DLG5: variants seen among roughly 807,000 people sequenced by gnomAD.
DLG5 encodes the protein discs large MAGUK scaffold protein 5.
In DLG5, 48 loss-of-function variants were observed where a neutral mutation model predicts 189.8. That is an observed-to-expected ratio of 0.25 (90% CI 0.20 to 0.32). DLG5 has a LOEUF of 0.32. Among genes scored for constraint, DLG5 ranks in the 10% least tolerant of loss-of-function variants. The pLI is 1.00. For missense variants in DLG5, 2,160 were observed against 2,544.7 expected, an observed-to-expected ratio of 0.85 and a Z score of 3.25; for synonymous variants, 1,016 against 1,054.1, an observed-to-expected ratio of 0.96 and a Z score of 0.70.
rs372572835 is a variant in DLG5, at chr10:77,806,277, G to T, written c.4968-416C>A. ...ACTATGCAATCCCAACCACACAGAA[G>T]TCCAGACAGGGAGACCCATGGGTAT... On this transcript the variant is annotated intron_variant, in intron 26 of 31. Transcript: ENST00000372391. 8.8e-4 allele frequency: 205 copies of T among 234,236 alleles called. 1 individual carries two copies. The Middle Eastern group carries it at 0.016, about 19-fold the overall frequency. 14.5% of individuals were successfully genotyped at this position (234,236 alleles called of 1,614,324 possible). A position where few individuals can be genotyped will look rare whatever the true frequency, so the allele number is the denominator to read the frequency against.
At chr10:77,806,500 G>GT (rs1841479136) in intron 26 of DLG5, among the ~76,000 whole-genome samples, 1 of 152,178 alleles carries the variant, frequency 6.6e-6, no homozygotes, top group Non-Finnish European at 1.5e-5. Flanking sequence ...CAAGGCACGA[G>GT]TATCTCCATA....
upstream of DLG5, chr10:77,927,018 C>T (rs1266776607): frequency 3.1e-6 from 1 of 326,592 alleles, no homozygotes; most frequent in South Asian, 2.2e-5. Flanking sequence ...TCGGAGGCCG[C>T]CTCGGCCCCC....
intron 1 of DLG5, among the ~76,000 whole-genome samples, chr10:77,884,688 C>T (rs1232044194): frequency 1.3e-5 from 2 of 152,082 alleles, no homozygotes; most frequent in African/African-American, 2.4e-5. Flanking sequence ...TTTTTTCCAT[C>T]GACTTCTTTT....
In DLG5 at chr10:77,816,579, C is replaced by G. The variant is rs145369443; in HGVS notation, c.3997G>C (p.Ala1333Pro). The G allele has an allele frequency of 6.2e-7, 1 of 1,614,132 alleles. No individual in the cohort carries two copies. The highest frequency in any genetic ancestry group is 8.5e-7 in the Non-Finnish European group (1 of 1,180,016). The change falls in exon 20 of 32, where the codon GCG becomes CCG. Residue 1333 changes from alanine to proline, a missense_variant. This residue lies in a region of DLG5 where 754 missense variants were observed against 746.5 expected (regional missense o/e 1.01). Transcript: ENST00000372391. The part of the protein sequence containing the change: ...STLPRIAVNP[A>P]SLGERRKDRP... ...TCCTTTCTCCGCTCCCCGAGGGACG[C>G]GGGGTTGACAGCGATTCTGGGCAAT...
chr10:77,875,756 A>G (rs1352069638), intron 1 of DLG5, among the ~76,000 whole-genome samples: 1 of 152,064 alleles, frequency 6.6e-6, no homozygotes, highest in Non-Finnish European at 1.5e-5. Flanking sequence ...CTATTAGGCT[A>G]CTAGGAAGCC....
At chr10:77,916,194 A>C (rs1242265116) in intron 1 of DLG5, among the ~76,000 whole-genome samples, 1 of 152,190 alleles carries the variant, frequency 6.6e-6, no homozygotes, top group Non-Finnish European at 1.5e-5. Context: ...CACTCAGCCC[A>C]AACAACAGAG....
chr10:77,807,586 G>A lies in DLG5; in HGVS notation c.4796+210C>T, dbSNP rs1193098399. ...TCTAGGTCTTAAGCCCTAAAGAGGGGGCCCAGCTGGTTCTTTAAGCCCTAA... is the reference window on the plus strand; with the variant it reads ...TCTAGGTCTTAAGCCCTAAAGAGGGAGCCCAGCTGGTTCTTTAAGCCCTAA... On this transcript the variant is annotated intron_variant, in intron 25 of 31. Coordinates refer to ENST00000372391, the MANE Select transcript of DLG5 (RefSeq NM_004747.4). 2.0e-5 allele frequency among the ~76,000 whole-genome samples: 3 copies of A among 152,136 alleles called. No homozygotes were observed. In the East Asian group the frequency reaches 5.8e-4, roughly 29 times the overall value.
At position 77,865,907 on chromosome 10, in the gene DLG5, C is replaced by A. The variant is rs763924835; in HGVS notation, c.373+3222G>T. Among the ~76,000 whole-genome samples the A allele has an allele frequency of 2.0e-5, 3 of 152,222 alleles. No individual in the cohort carries two copies. In the South Asian group the frequency reaches 6.2e-4, roughly 32 times the overall value. ...ACCGCCTGAGAGAACGCTGTCTACA[C>A]GCCCCAGGCTTCAGCCTCCAATTTC... is the stretch of plus-strand genomic sequence containing the variant. On this transcript the variant is annotated intron_variant, in intron 2 of 31. Transcript: ENST00000372391.
At position 77,821,952 on chromosome 10, in the gene DLG5, T is replaced by G; in HGVS notation, c.2532A>C (p.Thr844=). 1 of 1,614,248 alleles carries G rather than the reference T, an allele frequency of 6.2e-7. No homozygotes were observed. Among genetic ancestry groups the G allele is most frequent in the Non-Finnish European group, 8.5e-7 (1 of 1,180,040 alleles). The change falls in exon 15 of 32, where the codon ACA becomes ACC. Residue 844 remains threonine, a synonymous_variant. Coordinates refer to ENST00000372391, the MANE Select transcript of DLG5 (RefSeq NM_004747.4). ...CCAGCCTGTCCGTGTAGAAGATGTC[T>G]GTCTGCGTGGAGTTATTGTGCTGTA... is the stretch of plus-strand genomic sequence containing the variant. The part of the protein sequence containing the change: ...NLIQHNNSTQ[T]DIFYTDRLED...
intron 9 of DLG5, among the ~76,000 whole-genome samples, chr10:77,831,169 C>T (rs1272210219): frequency 6.6e-6 from 1 of 152,122 alleles, no homozygotes; most frequent in Non-Finnish European, 1.5e-5. Flanking sequence ...CTTTGGGAGG[C>T]CGAGACAGGC....
At chr10:77,869,087 C>A in intron 2 of DLG5, 42 bp downstream of exon 2, 1 of 1,586,374 alleles carries the variant, frequency 6.3e-7, no homozygotes, top group South Asian at 1.1e-5. Context: ...TTCACCCAGA[C>A]CCCTGGCCCA....
Position 77,926,572 on chromosome 10 carries a change from G to GCCT in DLG5, c.-53_-52insAGG, listed in dbSNP as rs1846702889. The GCCT allele has an allele frequency of 8.3e-7, 1 of 1,197,768 alleles. No homozygotes were observed. Among genetic ancestry groups the GCCT allele is most frequent in the Admixed American group, 4.5e-5 (1 of 22,376 alleles). The allele number at this position is 1,197,768 out of a possible 1,614,324, so 74.2% of individuals were successfully genotyped here. A position where few individuals can be genotyped will look rare whatever the true frequency, so the allele number is the denominator to read the frequency against. Reference sequence around the variant, plus strand: ...GCCGGACGCCTCCCGGGCCCCCCGAGGCCGGCGGGCGGGCAGGCGAGCACC... The same window carrying GCCT: ...GCCGGACGCCTCCCGGGCCCCCCGAGCCTGCCGGCGGGCGGGCAGGCGAGCACC... On this transcript the variant is annotated 5_prime_UTR_variant, in exon 1 of 32. Coordinates refer to ENST00000372391, the MANE Select transcript of DLG5 (RefSeq NM_004747.4). The surrounding 1 kb of genome is among the most constrained non-coding windows in gnomAD (Gnocchi z 5.2).
At chr10:77,795,329 G>A (rs1406765262) in intron 29 of DLG5, among the ~76,000 whole-genome samples, 3 of 152,302 alleles carry the variant, frequency 2.0e-5, no homozygotes, top group Admixed American at 6.5e-5. Flanking sequence ...GCCTTTGTGT[G>A]GCTGAGACTG....
At chr10:77,836,720 G>A (rs1843154756) in intron 7 of DLG5, among the ~76,000 whole-genome samples, 1 of 152,142 alleles carries the variant, frequency 6.6e-6, no homozygotes, top group Admixed American at 6.5e-5. Context: ...CAGAGGAGCT[G>A]AAAAATAATT....
At chr10:77,866,955 G>A in intron 2 of DLG5, 1 of 457,116 alleles carries the variant, frequency 2.2e-6, no homozygotes, top group Non-Finnish European at 4.4e-6. Flanking sequence ...GATGCAACCA[G>A]TTATTTCAGC....
At chr10:77,860,665 T>G (rs1844438395) in intron 2 of DLG5, among the ~76,000 whole-genome samples, 1 of 152,226 alleles carries the variant, frequency 6.6e-6, no homozygotes, top group South Asian at 2.1e-4. Flanking sequence ...AAGGTAAATA[T>G]CACTGTTATC....
intron 27 of DLG5, 96 bp downstream of exon 27, chr10:77,805,569 A>C: frequency 7.2e-7 from 1 of 1,384,524 alleles, no homozygotes; most frequent in Non-Finnish European, 9.9e-7. Flanking sequence ...AAAGCAAAGT[A>C]AGACTCTCTT....
At chr10:77,927,225 T>A (rs1415258036), upstream of DLG5, 1 of 152,452 alleles carries the variant, frequency 6.6e-6, no homozygotes, top group Non-Finnish European at 1.5e-5. Context: ...CGGCGCCGGC[T>A]GGTTCCCGGT....
rs905805552 is a variant in DLG5 at position 77,817,208 on chromosome 10, G to A, written c.3785-112C>T. The A allele has an allele frequency of 1.1e-5, 11 of 959,200 alleles. No individual in the cohort carries two copies. In the African/African-American group the frequency reaches 1.5e-4, roughly 13 times the overall value. The allele number at this position is 959,200 out of a possible 1,614,324, so 59.4% of individuals were successfully genotyped here. ...AATAAATGCAAAGCTGGGCCCTGCT[G>A]TTTATTCCCAAGGGAGCCTTGATAT... On this transcript the variant is annotated intron_variant, in intron 18 of 31. Coordinates refer to ENST00000372391, the MANE Select transcript of DLG5 (RefSeq NM_004747.4).
Sources: allele counts gnomAD v4.1 joint callset (sites outside exome capture counted in the v4.1 genomes callset), GRCh38; gene constraint gnomAD v4.1.1; regional missense constraint gnomAD v4.1.1; non-coding constraint Gnocchi (gnomAD v3.1); transcripts MANE v1.5; gene names NCBI Gene and HGNC (gene_info 2026-07-23, HGNC 2026-07-21).